RFX4: variants seen among roughly 807,000 people sequenced by gnomAD.
RFX4 encodes the protein regulatory factor X4.
RFX4 carries 10 observed loss-of-function variants against 95.0 expected under a neutral mutation model. The ratio of observed to expected loss-of-function variants is 0.11; its 90% CI spans 0.06 to 0.18. The LOEUF (loss-of-function observed/expected upper bound fraction) is 0.18, where lower values mean the gene tolerates loss of function less well. Among genes scored for constraint, RFX4 ranks in the 10% least tolerant of loss-of-function variants. The pLI, the probability that RFX4 is intolerant of heterozygous loss-of-function variation, is 1.00. For missense variants in RFX4, 640 were observed against 922.0 expected (o/e 0.69, Z 3.96); for synonymous variants, 321 against 340.7 (o/e 0.94, Z 0.64).
Position 106,598,885 on chromosome 12 carries a change from A to G in RFX4, c.44-9912A>G, listed in dbSNP as rs542563859. 2.0e-5 allele frequency among the ~76,000 whole-genome samples: 3 copies of G among 152,342 alleles called. No homozygotes were observed. The South Asian group carries it at 6.2e-4, about 32-fold the overall frequency. On this transcript the variant is annotated intron_variant, in intron 1 of 17. Transcript: ENST00000392842. ...TGTTATAGTAGAAATAGAAACAAAG[A>G]AAAAAGTCTGCTAACATTAAGTAGT...
intron 1 of RFX4, among the ~76,000 whole-genome samples, chr12:106,607,931 G>C (rs896838996): frequency 1.3e-5 from 2 of 152,148 alleles, no homozygotes. Flanking sequence ...CATGGCTCAC[G>C]CTTGTAATCC....
At chr12:106,623,647 A>G (rs2040231037) in intron 2 of RFX4, among the ~76,000 whole-genome samples, 1 of 152,196 alleles carries the variant, frequency 6.6e-6, no homozygotes, top group Admixed American at 6.5e-5. Context: ...TAGCATGTTA[A>G]GAATGCTTTG....
At chr12:106,668,571 A>T (rs141312436) in intron 4 of RFX4, among the ~76,000 whole-genome samples, 6,089 of 152,286 alleles carry the variant, frequency 0.04, 142 homozygotes, top group Middle Eastern at 0.061. Context: ...TCTTAAAAAA[A>T]TTTTTTAAAC....
intron 8 of RFX4, among the ~76,000 whole-genome samples, chr12:106,700,310 G>A (rs2041960231): frequency 6.6e-6 from 1 of 151,882 alleles, no homozygotes; most frequent in Admixed American, 6.6e-5. Context: ...GGGATTACAG[G>A]TGTGAGCCAC....
At chr12:106,734,466 C>T (rs562889810) in intron 15 of RFX4, among the ~76,000 whole-genome samples, 45 of 151,952 alleles carry the variant, frequency 3.0e-4, no homozygotes, top group African/African-American at 8.9e-4. Context: ...CATGGTAGCA[C>T]ATGCCTGTAA....
intron 1 of RFX4, among the ~76,000 whole-genome samples, chr12:106,601,773 TC>T (rs1307761513): frequency 2.0e-5 from 3 of 152,208 alleles, no homozygotes; most frequent in African/African-American, 7.2e-5. Context: ...TCCACCTGTC[TC>T]CCACCACTGG....
At chr12:106,715,194 T>C in intron 10 of RFX4, 1 of 549,246 alleles carries the variant, frequency 1.8e-6, no homozygotes. Flanking sequence ...GAAAAAGAGA[T>C]GTGTGGAAAG....
intron 13 of RFX4, among the ~76,000 whole-genome samples, chr12:106,724,234 C>T (rs922213234): frequency 1.3e-5 from 2 of 152,156 alleles, no homozygotes; most frequent in Non-Finnish European, 2.9e-5. Context: ...TCATTGAATT[C>T]TTGCATTAAC....
In RFX4 at chr12:106,685,873, C is replaced by G. The variant is rs540234423; in HGVS notation, c.378-1011C>G. Among the ~76,000 whole-genome samples the G allele has an allele frequency of 2.0e-5, 3 of 152,280 alleles. No individual in the cohort carries two copies. The South Asian group carries it at 6.2e-4, about 32-fold the overall frequency. ...TGGTTATTTTACAAATTAATGCATG[C>G]AAAGTCCTTTGCAAACTGCCTGGCA... On this transcript the variant is annotated intron_variant, in intron 5 of 17. Coordinates refer to ENST00000392842, the MANE Select transcript of RFX4 (RefSeq NM_213594.3).
In RFX4 at chr12:106,743,592, C is replaced by T. The variant is rs114169805; in HGVS notation, c.1634-3845C>T. ...CTATTTCTAGCAGCATTTACTCCTT[C>T]AACAACAAATTCAATGGAACGAAAA... On this transcript the variant is annotated intron_variant, in intron 15 of 17. Coordinates refer to ENST00000392842, the MANE Select transcript of RFX4 (RefSeq NM_213594.3). 5.2e-3 allele frequency among the ~76,000 whole-genome samples: 791 copies of T among 152,290 alleles called. 6 individuals carry two copies. The highest frequency in any genetic ancestry group is 0.018 in the African/African-American group (750 of 41,550).
chr12:106,648,174 T>G (rs1342043134), intron 3 of RFX4, among the ~76,000 whole-genome samples: 2 of 152,156 alleles, frequency 1.3e-5, no homozygotes, highest in Non-Finnish European at 2.9e-5. Flanking sequence ...GCAGATGGGG[T>G]TGAGTGTGCA....
chr12:106,667,880 A>T (rs1235364413), intron 4 of RFX4, among the ~76,000 whole-genome samples: 3 of 152,212 alleles, frequency 2.0e-5, no homozygotes, highest in Admixed American at 6.5e-5. Context: ...TTTAAAGATG[A>T]GGTAGTTGTC....
At chr12:106,594,080 T>G (rs947117462) in intron 1 of RFX4, among the ~76,000 whole-genome samples, 23 of 152,226 alleles carry the variant, frequency 1.5e-4, no homozygotes, top group Non-Finnish European at 3.1e-4. Context: ...CCTCCTTAAA[T>G]GGCTACTAAC....
intron 2 of RFX4, among the ~76,000 whole-genome samples, chr12:106,638,626 C>G (rs1414169380): frequency 6.6e-6 from 1 of 152,124 alleles, no homozygotes; most frequent in East Asian, 1.9e-4. Flanking sequence ...AGATTTATTT[C>G]TCTATTATTT....
At chr12:106,730,632 A>G (rs2137557079) in intron 13 of RFX4, among the ~76,000 whole-genome samples, 1 of 152,306 alleles carries the variant, frequency 6.6e-6, no homozygotes, top group African/African-American at 2.4e-5. Flanking sequence ...AGATGTGATG[A>G]TGATAATAAT....
At chr12:106,693,239 G>T in intron 7 of RFX4, 1 of 253,576 alleles carries the variant, frequency 3.9e-6, no homozygotes, top group Non-Finnish European at 8.1e-6. Flanking sequence ...GACCTAAAAT[G>T]CAGAGTAGAA....
intron 8 of RFX4, among the ~76,000 whole-genome samples, chr12:106,704,496 AAGCCT>A (rs1417852214): frequency 3.3e-5 from 5 of 152,148 alleles, no homozygotes; most frequent in Admixed American, 1.3e-4. Context: ...TTTCTGTACC[AAGCCT>A]TGTGCTTGGC....
intron 3 of RFX4, among the ~76,000 whole-genome samples, chr12:106,642,293 A>G (rs972872265): frequency 4.6e-5 from 7 of 151,158 alleles, no homozygotes; most frequent in Admixed American, 3.9e-4. Context: ...TACAGGTGTG[A>G]GCCACCGTGC....
chr12:106,737,440 T>G (rs1306398329), intron 15 of RFX4, among the ~76,000 whole-genome samples: 1 of 151,442 alleles, frequency 6.6e-6, no homozygotes, highest in Non-Finnish European at 1.5e-5. Flanking sequence ...GTGTGAGGAG[T>G]GCTAGGTTGG....
Sources: allele counts gnomAD v4.1 joint callset (sites outside exome capture counted in the v4.1 genomes callset), GRCh38; gene constraint gnomAD v4.1.1; transcripts MANE v1.5; gene names NCBI Gene and HGNC (gene_info 2026-07-23, HGNC 2026-07-21).